Variants in AMBRA1 observed in about 807,000 individuals in gnomAD.
AMBRA1 encodes activating molecule in BECN1-regulated autophagy protein 1.
In AMBRA1, 47 loss-of-function variants were observed where a neutral mutation model predicts 125.4. The ratio of observed to expected loss-of-function variants is 0.37; its 90% CI spans 0.30 to 0.48. AMBRA1 has a LOEUF of 0.48. Ranked by LOEUF, AMBRA1 falls within the 20% of genes least tolerant of loss-of-function variation. The pLI, the probability that AMBRA1 is intolerant of heterozygous loss-of-function variation, is 0.99. For missense variants in AMBRA1, 1,331 were observed against 1,693.4 expected (o/e 0.79, Z 3.76); for synonymous variants, 626 against 655.5 (o/e 0.95, Z 0.69).
chr11:46,544,676 C>G (rs1260550875), intron 5 of AMBRA1, among the ~76,000 whole-genome samples: 1 of 152,088 alleles, frequency 6.6e-6, no homozygotes, highest in African/African-American at 2.4e-5. Flanking sequence ...TCAGGTTTTC[C>G]CAAAGAAGTA....
intron 7 of AMBRA1, among the ~76,000 whole-genome samples, chr11:46,532,366 G>A (rs1952256104): frequency 1.3e-5 from 2 of 152,206 alleles, no homozygotes; most frequent in African/African-American, 2.4e-5. Context: ...AAAAACTTGA[G>A]GAGGAAGCTC....
intron 3 of AMBRA1, 69 bp from the exon 4 acceptor site, chr11:46,547,365 A>T: frequency 7.1e-7 from 1 of 1,412,638 alleles, no homozygotes; most frequent in Non-Finnish European, 9.6e-7. Context: ...TCAACTTTGG[A>T]CGACATAGAA....
At position 46,494,181 on chromosome 11, in the gene AMBRA1, T is replaced by G. The variant is rs368132450; in HGVS notation, c.2363A>C (p.His788Pro). The G allele has an allele frequency of 6.2e-7, 1 of 1,605,558 alleles. No homozygotes were observed. The highest frequency in any genetic ancestry group is 1.3e-5 in the African/African-American group (1 of 74,832). Residue 788 changes from histidine to proline, a missense_variant, in exon 10 of 18, where the codon CAC becomes CCC. Around this residue, in one of 4 missense-constraint regions of AMBRA1, gnomAD observed 689 missense variants for 776.5 expected, o/e 0.89. Coordinates refer to ENST00000683756, the MANE Select transcript of AMBRA1 (RefSeq NM_001387011.1). ...DFEDNGDRSR[H>P]RAPRNARMSA... ...CATCCGGGCATTGCGTGGAGCTCGG[T>G]GCCTGGATCTGTCACCATTGTCCCT...
chr11:46,462,222 C>T (rs940072051), intron 11 of AMBRA1, among the ~76,000 whole-genome samples: 4 of 152,168 alleles, frequency 2.6e-5, no homozygotes, highest in Admixed American at 6.5e-5. Flanking sequence ...GTGAGCACGG[C>T]GGTGTAAGCA....
At chr11:46,476,524 A>G (rs187140812) in intron 11 of AMBRA1, among the ~76,000 whole-genome samples, 345 of 152,358 alleles carry the variant, frequency 2.3e-3, no homozygotes, top group African/African-American at 7.8e-3. Flanking sequence ...TAGAATAGCC[A>G]GAAACTTATT....
At chr11:46,459,981 C>T (rs922447708) in intron 11 of AMBRA1, among the ~76,000 whole-genome samples, 7 of 152,078 alleles carry the variant, frequency 4.6e-5, no homozygotes, top group Admixed American at 2.6e-4. Flanking sequence ...CCCTGAGATG[C>T]CTTTCACATG....
chr11:46,495,530 C>T (rs1373403023), intron 9 of AMBRA1: 1 of 152,166 alleles, frequency 6.6e-6, no homozygotes, highest in Non-Finnish European at 1.5e-5. Context: ...TGTTCCTTAA[C>T]ATATCTTATT....
At chr11:46,433,429 C>A in intron 14 of AMBRA1, 45 bp downstream of exon 14, 1 of 1,601,394 alleles carries the variant, frequency 6.2e-7, no homozygotes, top group Non-Finnish European at 8.5e-7. Context: ...CCTTCCAAGC[C>A]TAGGGGAGCT....
intron 7 of AMBRA1, among the ~76,000 whole-genome samples, chr11:46,514,299 A>G (rs1407695928): frequency 6.6e-6 from 1 of 152,218 alleles, no homozygotes; most frequent in Non-Finnish European, 1.5e-5. Flanking sequence ...CCTGGGGAAG[A>G]GACATAGCAA....
chr11:46,474,177 AAG>A (rs1328791354), intron 11 of AMBRA1, among the ~76,000 whole-genome samples: 2 of 152,134 alleles, frequency 1.3e-5, no homozygotes, highest in Non-Finnish European at 2.9e-5. Flanking sequence ...AAAAAAAAAA[AAG>A]AGTAGCAATA....
intron 1 of AMBRA1, among the ~76,000 whole-genome samples, chr11:46,549,755 T>C (rs1272197885): frequency 6.6e-6 from 1 of 152,114 alleles, no homozygotes; most frequent in Non-Finnish European, 1.5e-5. Context: ...TCCTTTATCC[T>C]AGAATGGCCT....
At chr11:46,428,407 G>A (rs140830491) in intron 14 of AMBRA1, among the ~76,000 whole-genome samples, 1 of 152,232 alleles carries the variant, frequency 6.6e-6, no homozygotes, top group East Asian at 1.9e-4. Flanking sequence ...GAGCAAAACT[G>A]CATTCTATCC....
chr11:46,503,716 G>T (rs937912442), intron 9 of AMBRA1, among the ~76,000 whole-genome samples: 1 of 152,274 alleles, frequency 6.6e-6, no homozygotes, highest in East Asian at 1.9e-4. Flanking sequence ...AATTAGAATA[G>T]TTAAGAAAAT....
At chr11:46,562,045 T>C (rs1400525604) in intron 1 of AMBRA1, among the ~76,000 whole-genome samples, 1 of 152,216 alleles carries the variant, frequency 6.6e-6, no homozygotes. Flanking sequence ...GTGATTTTTA[T>C]ATAATTAAAT....
At chr11:46,588,710 G>C (rs1054335510) in intron 1 of AMBRA1, among the ~76,000 whole-genome samples, 3 of 151,182 alleles carry the variant, frequency 2.0e-5, no homozygotes, top group Non-Finnish European at 4.4e-5. Flanking sequence ...AGGAGGCGGA[G>C]GATGCAGTGA....
intron 7 of AMBRA1, among the ~76,000 whole-genome samples, chr11:46,541,427 ATTT>A (rs534735244): frequency 6.6e-6 from 1 of 151,590 alleles, no homozygotes; most frequent in African/African-American, 2.4e-5. Context: ...ACATATATGT[ATTT>A]TTTTTTCTTT....
At chr11:46,523,398 T>C (rs1356331685) in intron 7 of AMBRA1, among the ~76,000 whole-genome samples, 1 of 152,132 alleles carries the variant, frequency 6.6e-6, no homozygotes, top group Admixed American at 6.5e-5. Flanking sequence ...ACACCTAAAG[T>C]ACAATTAGTA....
rs374067398 is a variant in AMBRA1 at position 46,593,350 on chromosome 11, G to C, written c.-121+478C>G. On this transcript the variant is annotated intron_variant, in intron 1 of 17. Coordinates refer to ENST00000683756, the MANE Select transcript of AMBRA1 (RefSeq NM_001387011.1). Reference sequence around the variant, plus strand: ...ACATCAGCCTCAGTTTACCCACCCAGAAAAAGGCGAGAACATAACACTTCG... The same window carrying C: ...ACATCAGCCTCAGTTTACCCACCCACAAAAAGGCGAGAACATAACACTTCG... Among the ~76,000 whole-genome samples the C allele has an allele frequency of 9.9e-5, 15 of 152,242 alleles. No homozygotes were observed. In the East Asian group the frequency reaches 1.5e-3, roughly 16 times the overall value.
intron 11 of AMBRA1, among the ~76,000 whole-genome samples, chr11:46,478,363 C>A (rs1390776396): frequency 1.3e-5 from 2 of 152,174 alleles, no homozygotes; most frequent in Non-Finnish European, 2.9e-5. Flanking sequence ...TAAGTGCTTG[C>A]ACAGTTAATT....
Sources: gnomAD v4.1 joint callset for allele counts (sites outside exome capture counted in the v4.1 genomes callset) on GRCh38, gnomAD v4.1.1 for gene constraint, gnomAD v4.1.1 regional missense constraint, MANE v1.5 for transcripts, NCBI Gene and HGNC (gene_info 2026-07-23, HGNC 2026-07-21) for gene names.